The following LRTM3 variants were observed in gnomAD, a reference collection of about 807,000 sequenced individuals.
LRTM3 encodes leucine-rich repeat transmembrane protein 3.
chr13:102,733,852 C>T, the LRTM3 span: 23 of 1,551,264 alleles, frequency 1.5e-5, no homozygotes, highest in African/African-American at 2.7e-4. Context: ...GGGGCACATA[C>T]TGTTCTGCTT....
the LRTM3 span, chr13:102,748,934 A>G: frequency 6.5e-7 from 1 of 1,550,376 alleles, no homozygotes; most frequent in East Asian, 2.4e-5. Context: ...TGCATAATTG[A>G]TTTTCTCTGT....
the LRTM3 span, chr13:102,739,066 T>C: frequency 6.4e-7 from 1 of 1,550,556 alleles, no homozygotes; most frequent in Non-Finnish European, 8.7e-7. Flanking sequence ...ATCTTGTTAT[T>C]CCTCTCATGT....
At chr13:102,732,768 G>A in the LRTM3 span, 2 of 1,551,342 alleles carry the variant, frequency 1.3e-6, no homozygotes, top group South Asian at 1.2e-5. Context: ...TCTTGCAGAT[G>A]TAAAGCTCTG....
the LRTM3 span, among the ~76,000 whole-genome samples, chr13:102,756,088 G>T: frequency 6.6e-6 from 1 of 151,086 alleles, no homozygotes; most frequent in African/African-American, 2.4e-5. Context: ...AAGTCATTGG[G>T]ATTACAGGCG....
chr13:102,740,110 C>T, the LRTM3 span: 12 of 1,548,240 alleles, frequency 7.8e-6, no homozygotes, highest in African/African-American at 1.2e-4. Flanking sequence ...CTTTTTGTAC[C>T]TTTTCATTTG....
At chr13:102,749,871 A>G in the LRTM3 span, 1 of 1,551,416 alleles carries the variant, frequency 6.4e-7, no homozygotes, top group Non-Finnish European at 8.7e-7. Context: ...GACTCTTGAG[A>G]TCTTGAGCAT....
chr13:102,744,385 T>C, the LRTM3 span: 5 of 1,550,248 alleles, frequency 3.2e-6, no homozygotes, highest in Non-Finnish European at 4.4e-6. Flanking sequence ...AACTATCCCA[T>C]TTCCTTCTAG....
At chr13:102,741,620 T>G in the LRTM3 span, 1 of 1,550,452 alleles carries the variant, frequency 6.4e-7, no homozygotes, top group Non-Finnish European at 8.7e-7. Context: ...CATAGAAATA[T>G]CTTCTTGTTT....
At chr13:102,733,257 T>C in the LRTM3 span, 1 of 1,551,444 alleles carries the variant, frequency 6.4e-7, no homozygotes. Context: ...GTGACGATAC[T>C]TATTTTTTTG....
At chr13:102,755,931 G>GTA in the LRTM3 span, among the ~76,000 whole-genome samples, 33 of 115,488 alleles carry the variant, frequency 2.9e-4, no homozygotes, top group African/African-American at 7.2e-4. Flanking sequence ...GTGTGTGTGT[G>GTA]TATATATATA....
chr13:102,736,755 G>A, the LRTM3 span: 1 of 1,550,682 alleles, frequency 6.4e-7, no homozygotes, highest in Admixed American at 2.0e-5. Context: ...ATGTACTCGG[G>A]ATGCATTACA....
chr13:102,749,549 A>G, the LRTM3 span: 1 of 1,551,368 alleles, frequency 6.4e-7, no homozygotes, highest in Non-Finnish European at 8.7e-7. Flanking sequence ...CAGGCCCTTT[A>G]CTGAATATTT....
chr13:102,744,930 C>T, the LRTM3 span: 665 of 1,550,574 alleles, frequency 4.3e-4, 1 homozygote, highest in Non-Finnish European at 5.7e-4. Context: ...CATTTCCTAT[C>T]AGTTGGTACA....
chr13:102,740,970 A>G, the LRTM3 span: 2 of 1,550,040 alleles, frequency 1.3e-6, no homozygotes, highest in African/African-American at 2.7e-5. Flanking sequence ...CCTTCTGAAC[A>G]TGGAGGTTGA....
chr13:102,731,768 T>G, the LRTM3 span: 4 of 1,551,232 alleles, frequency 2.6e-6, no homozygotes, highest in Non-Finnish European at 3.5e-6. Context: ...GAAAGCTTTT[T>G]GCTGCTGAAC....
the LRTM3 span, chr13:102,742,555 A>G: frequency 6.4e-7 from 1 of 1,550,600 alleles, no homozygotes; most frequent in South Asian, 1.2e-5. Context: ...CTTCTGCAAC[A>G]TTTATCTTTG....
At chr13:102,739,468 A>C in the LRTM3 span, 3 of 1,550,492 alleles carry the variant, frequency 1.9e-6, no homozygotes, top group Admixed American at 3.9e-5. Flanking sequence ...ACTTATCTTT[A>C]CCTGCTTTTG....
the LRTM3 span, chr13:102,731,911 A>T: frequency 6.5e-7 from 1 of 1,549,666 alleles, no homozygotes; most frequent in Non-Finnish European, 8.7e-7. Context: ...GCTCGATGAT[A>T]CGTAAGTCTG....
At chr13:102,741,438 A>AAGAAG in the LRTM3 span, 2 of 1,550,228 alleles carry the variant, frequency 1.3e-6, no homozygotes, top group Admixed American at 3.9e-5. Flanking sequence ...GTACAAAGAA[A>AAGAAG]TTTCTGTCCT....
Sources: gnomAD v4.1 joint callset for allele counts (sites outside exome capture counted in the v4.1 genomes callset) on GRCh38, gnomAD v4.1.1 for gene constraint, MANE v1.5 for transcripts, NCBI Gene and HGNC (gene_info 2026-07-23, HGNC 2026-07-21) for gene names.